NEDD1: variants seen among roughly 807,000 people sequenced by gnomAD.
The protein encoded by NEDD1 is NEDD1 gamma-tubulin ring complex targeting factor, also known as protein NEDD1.
In NEDD1, 33 loss-of-function variants were observed where a neutral mutation model predicts 74.0. The observed-to-expected ratio is 0.45, with a 90% CI of 0.34 to 0.60. NEDD1 has a LOEUF of 0.60. NEDD1 is among the 20% of genes least tolerant of loss of function. The pLI is 0.01. For missense variants in NEDD1, 746 were observed against 776.5 expected, an observed-to-expected ratio of 0.96 and a Z score of 0.47; for synonymous variants, 250 against 264.4, an observed-to-expected ratio of 0.95 and a Z score of 0.53.
rs1466908598 is a variant in NEDD1 at position 96,952,193 on chromosome 12, CCAA to C, written c.*145_*147del. ...AGTAAAAGGATGATGGGATTTTATA[CCAA>C]CAACTGTTTCATCTTAAAAATATGT... On this transcript the variant is annotated 3_prime_UTR_variant, in exon 16 of 16. Coordinates refer to ENST00000266742, the MANE Select transcript of NEDD1 (RefSeq NM_152905.4). 1.8e-5 allele frequency: 10 copies of C among 563,206 alleles called. No homozygotes were observed. Among genetic ancestry groups the C allele is most frequent in the Non-Finnish European group, 2.5e-5 (8 of 319,314 alleles). 34.9% of individuals were successfully genotyped at this position (563,206 alleles called of 1,614,324 possible). A position where few individuals can be genotyped will look rare whatever the true frequency, so the allele number is the denominator to read the frequency against.
chr12:96,909,863 A>G lies in NEDD1; in HGVS notation c.104A>G (p.His35Arg), dbSNP rs769240392. The G allele has an allele frequency of 1.1e-5, 17 of 1,613,534 alleles. No individual in the cohort carries two copies. Among genetic ancestry groups the G allele is most frequent in the East Asian group, 2.2e-5 (1 of 44,854 alleles). The stretch of plus-strand genomic sequence containing the variant: ...AAATTCAACCCACACACATCACCAC[A>G]TGGAATCAGCTCAATATGTTGGAGC... ...VDKFNPHTSP[H>R]GISSICWSSN... The change falls in exon 3 of 16, where the codon CAT (histidine) becomes CGT (arginine). Residue 35 changes from histidine to arginine, a missense_variant. This residue lies in a region of NEDD1 where 706 missense variants were observed against 706.7 expected (regional missense o/e 1.00). Transcript: ENST00000266742.
intron 7 of NEDD1, 52 bp downstream of exon 7, chr12:96,935,257 A>G (rs1010736443): frequency 9.4e-6 from 10 of 1,060,988 alleles, no homozygotes; most frequent in African/African-American, 1.6e-5. Flanking sequence ...CTATTATTCC[A>G]TTAACAGGCA....
At chr12:96,949,759 G>C (rs994807340) in intron 14 of NEDD1, among the ~76,000 whole-genome samples, 1 of 152,120 alleles carries the variant, frequency 6.6e-6, no homozygotes, top group East Asian at 1.9e-4. Context: ...GGAAATAATA[G>C]AGAGGTAGCA....
Position 96,916,534 on chromosome 12 carries a change from C to T in NEDD1, c.232-1087C>T, listed in dbSNP as rs868845011. On this transcript the variant is annotated intron_variant, in intron 4 of 15. Transcript: ENST00000266742. ...GGTTTTTTGTTCTTGCGATAGTTTA[C>T]TGAGAATGATGGTTTCCAATTTCAT... Among the ~76,000 whole-genome samples the T allele has an allele frequency of 3.9e-3, 557 of 141,662 alleles. 4 individuals are homozygous for T. The highest frequency in any genetic ancestry group is 0.014 in the African/African-American group (529 of 37,520). 92.9% of individuals were successfully genotyped at this position (141,662 alleles called of 152,430 possible). A position where few individuals can be genotyped will look rare whatever the true frequency, so the allele number is the denominator to read the frequency against.
intron 8 of NEDD1, 80 bp downstream of exon 8, chr12:96,936,892 A>T: frequency 1.2e-6 from 1 of 844,062 alleles, no homozygotes; most frequent in South Asian, 1.7e-5. Flanking sequence ...GTGGTCAATT[A>T]AACAGTATAG....
At position 96,937,193 on chromosome 12, in the gene NEDD1, T is replaced by G. The variant is rs1877200595; in HGVS notation, c.922-5T>G. ...TGAGCTTTTAAATATTCCATTACAT[T>G]TCAGTCAAGTTTAAATAAAGGCTGT... On this transcript the variant is annotated splice_polypyrimidine_tract_variant and splice_region_variant and intron_variant, in intron 8 of 15. Transcript: ENST00000266742. The G allele has an allele frequency of 6.4e-7, 1 of 1,553,408 alleles. No homozygotes were observed. The highest frequency in any genetic ancestry group is 1.4e-5 in the African/African-American group (1 of 72,238).
intron 10 of NEDD1, 52 bp from the exon 11 acceptor site, chr12:96,942,525 A>G: frequency 3.4e-6 from 3 of 876,290 alleles, no homozygotes; most frequent in Non-Finnish European, 3.8e-6. Context: ...GCCTAAATTG[A>G]TATGGTTTCT....
intron 6 of NEDD1, among the ~76,000 whole-genome samples, chr12:96,930,241 T>TCA (rs1876305829): frequency 6.6e-6 from 1 of 150,918 alleles, no homozygotes. Flanking sequence ...TCTCTCTCTC[T>TCA]CTCACACTCT....
rs1225199561 is a variant in NEDD1, at chr12:96,952,854, C to T, written c.*801C>T. 6.6e-6 allele frequency: 1 copy of T among 151,546 alleles called. No homozygotes were observed. The allele number at this position is 151,546 out of a possible 1,614,324, so 9.4% of individuals were successfully genotyped here. A position where few individuals can be genotyped will look rare whatever the true frequency, so the allele number is the denominator to read the frequency against. ...ATGAGTGGAGATTTCATATTAGGTACTAAATATTATAGTATTATTTCTATT... is the reference window on the plus strand; with the variant it reads ...ATGAGTGGAGATTTCATATTAGGTATTAAATATTATAGTATTATTTCTATT... On this transcript the variant is annotated 3_prime_UTR_variant, in exon 16 of 16. Transcript: ENST00000266742.
intron 3 of NEDD1, among the ~76,000 whole-genome samples, chr12:96,910,945 T>A (rs1873859713): frequency 6.6e-6 from 1 of 152,202 alleles, no homozygotes. Flanking sequence ...AACAAAAATA[T>A]TAAAAGTTTT....
intron 6 of NEDD1, among the ~76,000 whole-genome samples, chr12:96,932,622 T>C (rs1378534031): frequency 1.3e-5 from 2 of 149,188 alleles, no homozygotes; most frequent in Non-Finnish European, 3.0e-5. Context: ...TTAACAGATA[T>C]AGAAAGTTAA....
chr12:96,917,157 TA>T (rs1021973186), intron 4 of NEDD1, among the ~76,000 whole-genome samples: 1 of 151,744 alleles, frequency 6.6e-6, no homozygotes, highest in Non-Finnish European at 1.5e-5. Flanking sequence ...TTGACTTCTT[TA>T]AAAAAAAACT....
intron 1 of NEDD1, 115 bp downstream of exon 1, chr12:96,907,415 T>A: frequency 1.9e-6 from 1 of 530,556 alleles, no homozygotes; most frequent in Non-Finnish European, 3.3e-6. Context: ...GTCCTTGGGC[T>A]TTGCGCGCCC....
Position 96,940,416 on chromosome 12 carries a change from T to G in NEDD1, c.1125T>G (p.Pro375=). The change falls in exon 10 of 16, where the codon CCT becomes CCG. Residue 375 remains proline (P), a synonymous_variant. Transcript: ENST00000266742. ...TVAVQEKAGL[P]RSINTDTLSK... ...ATATCTAATTCCTATAAGGTTTGCC[T>G]CGAAGCATAAACACAGACACTTTAT... is the stretch of plus-strand genomic sequence containing the variant. 3 of 1,588,026 alleles carry G rather than the reference T, an allele frequency of 1.9e-6. No homozygotes were observed. The highest frequency in any genetic ancestry group is 2.6e-6 in the Non-Finnish European group (3 of 1,159,770).
chr12:96,947,756 C>T (rs1348010713), intron 14 of NEDD1, among the ~76,000 whole-genome samples: 1 of 152,170 alleles, frequency 6.6e-6, no homozygotes, highest in Non-Finnish European at 1.5e-5. Flanking sequence ...CTAACCTGTT[C>T]CTGGCTTTCT....
intron 14 of NEDD1, among the ~76,000 whole-genome samples, chr12:96,947,214 C>T (rs781729855): frequency 3.3e-5 from 5 of 152,014 alleles, no homozygotes; most frequent in Admixed American, 6.6e-5. Context: ...AAAGAATATA[C>T]GTTTTTTTCA....
intron 9 of NEDD1, among the ~76,000 whole-genome samples, chr12:96,938,408 A>G (rs1877341531): frequency 6.6e-6 from 1 of 152,090 alleles, no homozygotes; most frequent in African/African-American, 2.4e-5. Flanking sequence ...AATTAACTAT[A>G]TTATGAAAAT....
chr12:96,909,924 A>G, intron 3 of NEDD1, 29 bp downstream of exon 3: 1 of 1,590,904 alleles, frequency 6.3e-7, no homozygotes. Context: ...AAACACACAC[A>G]CACACACACA....
Position 96,936,626 on chromosome 12 carries a change from A to G in NEDD1, c.735A>G (p.Leu245=). Residue 245 remains leucine, a synonymous_variant, in exon 8 of 16, where the codon TTA becomes TTG. Coordinates refer to ENST00000266742, the MANE Select transcript of NEDD1 (RefSeq NM_152905.4). The part of the protein sequence containing the change: ...DTSSKKLVKT[L]VADTPLTAVD... ...CTTTCCAAAGGCTAGTGAAAACTTTAGTGGCTGACACTCCTCTAACTGCGG... is the reference window on the plus strand; with the variant it reads ...CTTTCCAAAGGCTAGTGAAAACTTTGGTGGCTGACACTCCTCTAACTGCGG... The G allele has an allele frequency of 6.2e-7, 1 of 1,613,322 alleles. No homozygotes were observed. Among genetic ancestry groups the G allele is most frequent in the South Asian group, 1.1e-5 (1 of 91,068 alleles).
Sources: allele counts gnomAD v4.1 joint callset (sites outside exome capture counted in the v4.1 genomes callset), GRCh38; gene constraint gnomAD v4.1.1; regional missense constraint gnomAD v4.1.1; transcripts MANE v1.5; gene names NCBI Gene and HGNC (gene_info 2026-07-23, HGNC 2026-07-21).